The following TAC4 variants were observed in gnomAD, a reference collection of about 807,000 sequenced individuals.
TAC4 encodes the protein tachykinin precursor 4, also known as tachykinin-4.
In TAC4, 17 loss-of-function variants were observed where a neutral mutation model predicts 17.7. The ratio of observed to expected loss-of-function variants is 0.96; its 90% CI spans 0.66 to 1.44. The LOEUF is 1.44. Ranked by LOEUF, TAC4 falls within the 40% of genes most tolerant of loss-of-function variation. The probability of loss-of-function intolerance (pLI) is 0.00; values close to 1 mark genes in which losing one functional copy is unlikely to be tolerated. For missense variants in TAC4, 118 were observed against 125.6 expected (o/e 0.94, Z 0.29); for synonymous variants, 62 against 52.4 (o/e 1.18, Z -0.79).
intron 1 of TAC4, among the ~76,000 whole-genome samples, chr17:49,846,415 C>T (rs1238844709): frequency 1.3e-5 from 2 of 151,940 alleles, no homozygotes; most frequent in South Asian, 2.1e-4. Context: ...TAGCTGGGGC[C>T]ACAGATGTGC....
At chr17:49,839,718 T>C in intron 4 of TAC4, 132 bp downstream of exon 4, 3 of 799,350 alleles carry the variant, frequency 3.8e-6, no homozygotes, top group Non-Finnish European at 3.9e-6. Context: ...CTGCCTCCCC[T>C]GGGGGCCTCC....
At chr17:49,844,783 C>T (rs191700050) in intron 1 of TAC4, among the ~76,000 whole-genome samples, 1 of 152,266 alleles carries the variant, frequency 6.6e-6, no homozygotes, top group African/African-American at 2.4e-5. Context: ...TCCAAGGTCA[C>T]CCAGCTGGGA....
intron 1 of TAC4, among the ~76,000 whole-genome samples, chr17:49,845,712 C>G (rs980653829): frequency 2.6e-5 from 4 of 152,172 alleles, no homozygotes; most frequent in African/African-American, 9.7e-5. Context: ...CCCCAGTTTC[C>G]CTAGGGGTAG....
At chr17:49,839,719 G>T in intron 4 of TAC4, 131 bp downstream of exon 4, 1 of 799,906 alleles carries the variant, frequency 1.3e-6, no homozygotes, top group Non-Finnish European at 2.0e-6. Context: ...TGCCTCCCCT[G>T]GGGGCCTCCC....
chr17:49,846,227 C>A, intron 1 of TAC4: 1 of 1,289,170 alleles, frequency 7.8e-7, no homozygotes, highest in South Asian at 1.2e-5. Context: ...TGGGGGAGCC[C>A]CGAGAGCAAG....
intron 1 of TAC4, among the ~76,000 whole-genome samples, chr17:49,845,600 T>C (rs2074532070): frequency 1.3e-5 from 2 of 152,142 alleles, no homozygotes; most frequent in South Asian, 4.1e-4. Context: ...GGGAGTCCCC[T>C]TTTCCAGGAA....
chr17:49,847,160 C>T, intron 1 of TAC4: 1 of 1,290,062 alleles, frequency 7.8e-7, no homozygotes, highest in South Asian at 1.2e-5. Flanking sequence ...TCCTTACCAT[C>T]CTGGGAATGG....
chr17:49,847,244 G>A (rs1445115220), intron 1 of TAC4: 11 of 1,289,724 alleles, frequency 8.5e-6, no homozygotes, highest in South Asian at 1.2e-5. Context: ...TTATTTACCC[G>A]TCTTTGTCTC....
intron 3 of TAC4, among the ~76,000 whole-genome samples, chr17:49,840,521 G>T (rs535215471): frequency 6.6e-6 from 1 of 151,450 alleles, no homozygotes; most frequent in East Asian, 1.9e-4. Context: ...CTTTTTTTTT[G>T]AATGGAGTCT....
intron 2 of TAC4, among the ~76,000 whole-genome samples, chr17:49,843,105 C>T (rs112292288): frequency 3.3e-5 from 5 of 152,306 alleles, no homozygotes; most frequent in South Asian, 2.1e-4. Context: ...GCCTGAAAAG[C>T]GAGACTCTGG....
chr17:49,839,143 C>A (rs1192545903), intron 4 of TAC4, among the ~76,000 whole-genome samples: 1 of 152,102 alleles, frequency 6.6e-6, no homozygotes, highest in East Asian at 1.9e-4. Context: ...TGGAATGAGT[C>A]GAGCAGGTGT....
At chr17:49,845,397 A>G (rs117622696) in intron 1 of TAC4, among the ~76,000 whole-genome samples, 2 of 152,324 alleles carry the variant, frequency 1.3e-5, no homozygotes, top group East Asian at 3.9e-4. Context: ...GGGCTTGCTC[A>G]GTTCTGCTGA....
chr17:49,838,552 G>A lies in TAC4; in HGVS notation c.*90C>T. Reference sequence around the variant, plus strand: ...CAGCGATGAGGACAGGAGACACAGAGAAGAGAGTTGGCCTGCCGGCTTGTC... The same window carrying A: ...CAGCGATGAGGACAGGAGACACAGAAAAGAGAGTTGGCCTGCCGGCTTGTC... On this transcript the variant is annotated 3_prime_UTR_variant, in exon 5 of 5. Transcript: ENST00000436235. 1 of 1,518,192 alleles carries A rather than the reference G, an allele frequency of 6.6e-7. No individual in the cohort carries two copies. The highest frequency in any genetic ancestry group is 1.4e-5 in the African/African-American group (1 of 72,998). The allele number at this position is 1,518,192 out of a possible 1,614,324, so 94.0% of individuals were successfully genotyped here.
At chr17:49,844,198 C>G (rs1356765882) in intron 1 of TAC4, 41 bp from the exon 2 acceptor site, 1 of 1,603,268 alleles carries the variant, frequency 6.2e-7, no homozygotes, top group Admixed American at 1.7e-5. Context: ...GGGAGGTTGT[C>G]CAGCAGACGG....
At chr17:49,842,206 C>G (rs1290274438) in intron 2 of TAC4, among the ~76,000 whole-genome samples, 1 of 151,940 alleles carries the variant, frequency 6.6e-6, no homozygotes, top group Non-Finnish European at 1.5e-5. Flanking sequence ...TCCCATCCCC[C>G]ATCCTTCATG....
At chr17:49,846,542 G>A (rs2074541809) in intron 1 of TAC4, among the ~76,000 whole-genome samples, 1 of 152,134 alleles carries the variant, frequency 6.6e-6, no homozygotes, top group African/African-American at 2.4e-5. Context: ...CTCCCAAAGT[G>A]CTGGGATTAC....
At chr17:49,842,980 G>A (rs574010513) in intron 2 of TAC4, among the ~76,000 whole-genome samples, 1 of 152,308 alleles carries the variant, frequency 6.6e-6, no homozygotes, top group Admixed American at 6.5e-5. Flanking sequence ...AAGGATACGT[G>A]TAATAGATTT....
At chr17:49,845,711 C>T (rs1281242094) in intron 1 of TAC4, among the ~76,000 whole-genome samples, 2 of 152,164 alleles carry the variant, frequency 1.3e-5, no homozygotes, top group African/African-American at 4.8e-5. Context: ...TCCCCAGTTT[C>T]CCTAGGGGTA....
At chr17:49,846,098 T>A in intron 1 of TAC4, 2 of 707,702 alleles carry the variant, frequency 2.8e-6, no homozygotes, top group Non-Finnish European at 4.1e-6. Context: ...TTTCTGTGCC[T>A]GGTGGGGGGG....
Sources: gnomAD v4.1 joint callset for allele counts (sites outside exome capture counted in the v4.1 genomes callset) on GRCh38, gnomAD v4.1.1 for gene constraint, MANE v1.5 for transcripts, NCBI Gene and HGNC (gene_info 2026-07-23, HGNC 2026-07-21) for gene names.